The following PRKAG2 variants were observed in gnomAD, a reference collection of about 807,000 sequenced individuals.
The protein encoded by PRKAG2 is 5'-AMP-activated protein kinase subunit gamma-2.
Under a neutral mutation model 69.6 loss-of-function variants are expected in PRKAG2, and 26 were observed. The observed-to-expected ratio is 0.37, with a 90% CI of 0.27 to 0.52. The LOEUF (loss-of-function observed/expected upper bound fraction) is 0.52. Ranked by LOEUF, PRKAG2 falls within the 20% of genes least tolerant of loss-of-function variation. PRKAG2 has a pLI of 0.90. For synonymous variants in PRKAG2, 293 were observed against 285.0 expected, an observed-to-expected ratio of 1.03 and a Z score of -0.28; for missense variants, 557 against 740.0, an observed-to-expected ratio of 0.75 and a Z score of 2.87.
chr7:151,746,558 C>T (rs1243650556), intron 3 of PRKAG2, among the ~76,000 whole-genome samples: 3 of 152,258 alleles, frequency 2.0e-5, no homozygotes, highest in Non-Finnish European at 4.4e-5. Context: ...CAGAGCATTT[C>T]ACAAACAGAG....
At chr7:151,806,945 A>G (rs749709691) in intron 1 of PRKAG2, 23 of 392,212 alleles carry the variant, frequency 5.9e-5, no homozygotes, top group South Asian at 1.8e-4. Context: ...CAGCCTGGGG[A>G]AAAAAAAAAG....
At position 151,848,397 on chromosome 7, in the gene PRKAG2, T is replaced by C. The variant is rs555809535; in HGVS notation, c.114+28110A>G. Among the ~76,000 whole-genome samples the C allele has an allele frequency of 1.1e-4, 16 of 151,570 alleles. 1 individual carries two copies. Among genetic ancestry groups the C allele is most frequent in the Admixed American group, 9.2e-4 (14 of 15,236 alleles). On this transcript the variant is annotated intron_variant, in intron 1 of 15. Transcript: ENST00000287878. ...AACACCGAACCTCCTGGCACCACCC[T>C]CGTCTCGGACTTTCCAGCCTCCAGA...
chr7:151,866,683 G>A (rs182937001), intron 1 of PRKAG2, among the ~76,000 whole-genome samples: 9 of 152,286 alleles, frequency 5.9e-5, no homozygotes, highest in Admixed American at 2.6e-4. Flanking sequence ...CCCAGGTGAT[G>A]TATGCTTCAA....
intron 3 of PRKAG2, among the ~76,000 whole-genome samples, chr7:151,695,502 T>C (rs1253361730): frequency 6.6e-6 from 1 of 152,100 alleles, no homozygotes; most frequent in Non-Finnish European, 1.5e-5. Flanking sequence ...GTGGGTGCCC[T>C]AAGTGCCGGC....
intron 6 of PRKAG2, among the ~76,000 whole-genome samples, chr7:151,588,639 C>T (rs1307522636): frequency 2.0e-5 from 3 of 152,098 alleles, no homozygotes; most frequent in South Asian, 2.1e-4. Flanking sequence ...GGATTACAGG[C>T]GTGAGACACC....
chr7:151,749,010 T>C (rs1273048489), intron 3 of PRKAG2, among the ~76,000 whole-genome samples: 1 of 152,196 alleles, frequency 6.6e-6, no homozygotes, highest in East Asian at 1.9e-4. Context: ...TTTTGGAGCC[T>C]CCGAGGGTGA....
Position 151,591,190 on chromosome 7 carries a change from C to T in PRKAG2, c.864+4155G>A, listed in dbSNP as rs1173590199. Among the ~76,000 whole-genome samples the T allele has an allele frequency of 2.0e-5, 3 of 150,884 alleles. No individual in the cohort carries two copies. The East Asian group carries it at 5.9e-4, about 30-fold the overall frequency. ...GTTCCCAATGTAGTATCTTGGGGGACCCACAGCCCCTGCCTGGACACATAC... is the reference window on the plus strand; with the variant it reads ...GTTCCCAATGTAGTATCTTGGGGGATCCACAGCCCCTGCCTGGACACATAC... On this transcript the variant is annotated intron_variant, in intron 6 of 15. Transcript: ENST00000287878.
At chr7:151,874,840 G>C (rs1258552918) in intron 1 of PRKAG2, among the ~76,000 whole-genome samples, 2 of 152,212 alleles carry the variant, frequency 1.3e-5, no homozygotes, top group Admixed American at 1.3e-4. Context: ...AGTGAGCCAT[G>C]ATTGCACCAC....
intron 5 of PRKAG2, among the ~76,000 whole-genome samples, chr7:151,605,597 C>A (rs879764358): frequency 3.3e-5 from 5 of 150,008 alleles, no homozygotes; most frequent in Non-Finnish European, 7.4e-5. Flanking sequence ...ATTAGCTGTG[C>A]ATAGTGGTGC....
chr7:151,687,328 AG>A (rs1028145700), intron 3 of PRKAG2, among the ~76,000 whole-genome samples: 138 of 50,298 alleles, frequency 2.7e-3, no homozygotes, highest in African/African-American at 7.7e-3. Flanking sequence ...CTTAGAAAGC[AG>A]TCCTGGGGAG....
At chr7:151,782,239 C>T (rs1412129881) in intron 2 of PRKAG2, among the ~76,000 whole-genome samples, 4 of 151,268 alleles carry the variant, frequency 2.6e-5, no homozygotes, top group Admixed American at 6.6e-5. Flanking sequence ...GCCGAGATGG[C>T]GCCATTGCAC....
At chr7:151,571,834 C>T (rs17173197) in intron 9 of PRKAG2, among the ~76,000 whole-genome samples, 51,912 of 152,100 alleles carry the variant, frequency 0.34, 9,304 homozygotes, top group East Asian at 0.45. Flanking sequence ...TCACAGCCAG[C>T]TACAAAGGTT....
intron 2 of PRKAG2, among the ~76,000 whole-genome samples, chr7:151,783,391 A>C (rs2076830452): frequency 6.6e-6 from 1 of 152,144 alleles, no homozygotes; most frequent in Non-Finnish European, 1.5e-5. Flanking sequence ...TCAAGGCTGC[A>C]GTGCACTGGC....
intron 3 of PRKAG2, among the ~76,000 whole-genome samples, chr7:151,682,115 GT>G (rs370866385): frequency 5.6e-4 from 86 of 152,334 alleles, no homozygotes; most frequent in African/African-American, 2.0e-3. Context: ...TATTCAATCA[GT>G]AGAGAAACAA....
At chr7:151,845,771 C>T (rs1371595511) in intron 1 of PRKAG2, among the ~76,000 whole-genome samples, 1 of 152,162 alleles carries the variant, frequency 6.6e-6, no homozygotes, top group Non-Finnish European at 1.5e-5. Context: ...GGGAAAGGCC[C>T]CACCTAGGAG....
intron 3 of PRKAG2, among the ~76,000 whole-genome samples, chr7:151,709,686 A>G (rs1395491941): frequency 6.6e-6 from 1 of 152,126 alleles, no homozygotes; most frequent in Non-Finnish European, 1.5e-5. Context: ...ACATTGTGTG[A>G]CACACACATA....
chr7:151,850,901 G>C lies in PRKAG2; in HGVS notation c.114+25606C>G, dbSNP rs188025627. Among the ~76,000 whole-genome samples the C allele has an allele frequency of 2.6e-5, 4 of 152,174 alleles. No homozygotes were observed. The highest frequency in any genetic ancestry group is 4.8e-5 in the African/African-American group (2 of 41,442). On this transcript the variant is annotated intron_variant, in intron 1 of 15. Coordinates refer to ENST00000287878, the MANE Select transcript of PRKAG2 (RefSeq NM_016203.4). This position sits in a 1 kb window ranked among gnomAD's most constrained non-coding sequence, Gnocchi z 4.1. ...TGACAACACGGAATAAGAAGTCCTC[G>C]ATGAGCCGCCGCAATGTGACCTTAG...
In PRKAG2 at chr7:151,565,396, AAT is replaced by A; in HGVS notation, c.1400-15_1400-14del. 3 of 1,339,802 alleles carry A rather than the reference AAT, an allele frequency of 2.2e-6. No homozygotes were observed. Among genetic ancestry groups the A allele is most frequent in the Non-Finnish European group, 3.1e-6 (3 of 959,766 alleles). 83.0% of individuals were successfully genotyped at this position (1,339,802 alleles called of 1,614,324 possible). A position where few individuals can be genotyped will look rare whatever the true frequency, so the allele number is the denominator to read the frequency against. ...TCTACAACTTTTCCTAAAAATGAAA[AAT>A]ATATGTTAGAAAAATGTCTTAAGGG... On this transcript the variant is annotated splice_polypyrimidine_tract_variant and intron_variant, in intron 12 of 15. Transcript: ENST00000287878.
intron 15 of PRKAG2, chr7:151,557,831 C>T (rs1212893768): frequency 1.2e-6 from 1 of 827,826 alleles, no homozygotes; most frequent in African/African-American, 1.9e-5. Context: ...GAGATCATGC[C>T]ATTGCACTCC....
Sources: allele counts gnomAD v4.1 joint callset (sites outside exome capture counted in the v4.1 genomes callset), GRCh38; gene constraint gnomAD v4.1.1; non-coding constraint Gnocchi (gnomAD v3.1); transcripts MANE v1.5; gene names NCBI Gene and HGNC (gene_info 2026-07-23, HGNC 2026-07-21).